CREBZF: variants seen among roughly 807,000 people sequenced by gnomAD.
CREBZF encodes CREB/ATF bZIP transcription factor.
In CREBZF, 8 loss-of-function variants were observed where a neutral mutation model predicts 21.1. The observed-to-expected ratio is 0.38, with a 90% CI of 0.22 to 0.68. The LOEUF (loss-of-function observed/expected upper bound fraction) is 0.68. Ranked by LOEUF, CREBZF falls within the 30% of genes least tolerant of loss-of-function variation. The probability of loss-of-function intolerance (pLI) is 0.51; values close to 1 mark genes in which losing one functional copy is unlikely to be tolerated. For missense variants in CREBZF, 518 were observed against 484.3 expected, an observed-to-expected ratio of 1.07 and a Z score of -0.65; for synonymous variants, 270 against 223.3, an observed-to-expected ratio of 1.21 and a Z score of -1.86.
chr11:85,678,567 TAACA>T (rs748116574), intron 1 of CREBZF, among the ~76,000 whole-genome samples: 1 of 152,226 alleles, frequency 6.6e-6, no homozygotes, highest in Non-Finnish European at 1.5e-5. Flanking sequence ...ATATTACAAC[TAACA>T]AACTAACGAA....
upstream of CREBZF, among the ~76,000 whole-genome samples, chr11:85,665,913 A>C (rs2082854506): frequency 6.6e-6 from 1 of 152,214 alleles, no homozygotes; most frequent in Admixed American, 6.5e-5. Flanking sequence ...ACGTTGCACA[A>C]AGACCATCAC....
At chr11:85,666,950 C>T (rs2082873750), upstream of CREBZF, among the ~76,000 whole-genome samples, 2 of 152,226 alleles carry the variant, frequency 1.3e-5, no homozygotes, top group South Asian at 4.1e-4. Context: ...TCTGGCCTCC[C>T]TTGAGTACAG....
rs2082826782 is a variant in CREBZF, at chr11:85,664,960, A to G, written c.-85T>C. ...AAGGATCCCAGGCCCCAGGGCGGGT[A>G]GCCCCCGGCACTGGCCGAAACGAAA... On this transcript the variant is annotated 5_prime_UTR_variant, in exon 1 of 1. Coordinates refer to ENST00000527447, the MANE Select transcript of CREBZF (RefSeq NM_001039618.4). This position sits in a 1 kb window ranked among gnomAD's most constrained non-coding sequence, Gnocchi z 5.5. The G allele has an allele frequency of 9.8e-7, 1 of 1,024,992 alleles. No homozygotes were observed. The highest frequency in any genetic ancestry group is 1.3e-6 in the Non-Finnish European group (1 of 757,022). 63.5% of individuals were successfully genotyped at this position (1,024,992 alleles called of 1,614,324 possible). A position where few individuals can be genotyped will look rare whatever the true frequency, so the allele number is the denominator to read the frequency against.
chr11:85,675,341 G>A (rs2082935583), intron 1 of CREBZF, among the ~76,000 whole-genome samples: 1 of 152,134 alleles, frequency 6.6e-6, no homozygotes, highest in Non-Finnish European at 1.5e-5. Context: ...ACACTTAGAG[G>A]CCATTGTAGG....
chr11:85,681,985 G>T (rs1351391169), intron 1 of CREBZF, among the ~76,000 whole-genome samples: 1 of 152,140 alleles, frequency 6.6e-6, no homozygotes, highest in Non-Finnish European at 1.5e-5. Context: ...AGAAAGCACG[G>T]GTTTTAGAGC....
chr11:85,668,499 AT>A (rs2082887331), upstream of CREBZF, among the ~76,000 whole-genome samples: 1 of 152,100 alleles, frequency 6.6e-6, no homozygotes, highest in African/African-American at 2.4e-5. Flanking sequence ...TTATTTATCA[AT>A]TTTTAATAAT....
Position 85,682,498 on chromosome 11 carries a change from A to C in CREBZF, n.147+219T>G, listed in dbSNP as rs565307045. On this transcript the variant is annotated intron_variant and non_coding_transcript_variant, in intron 1 of 3. Coordinates refer to the CREBZF transcript ENST00000531515. Reference sequence around the variant, plus strand: ...CGGCAAATAAGGATCAAACGTACACAAACTCCTCAGCACAGCTTGGAACAG... The same window carrying C: ...CGGCAAATAAGGATCAAACGTACACCAACTCCTCAGCACAGCTTGGAACAG... Among the ~76,000 whole-genome samples the C allele has an allele frequency of 2.4e-3, 369 of 152,240 alleles. 1 individual carries two copies. Among genetic ancestry groups the C allele is most frequent in the Non-Finnish European group, 3.7e-3 (254 of 68,022 alleles).
In CREBZF at chr11:85,664,334, C is replaced by A. The variant is rs778359841; in HGVS notation, c.542G>T (p.Ser181Ile). 4 of 1,612,548 alleles carry A rather than the reference C, an allele frequency of 2.5e-6. No individual in the cohort carries two copies. Among genetic ancestry groups the A allele is most frequent in the Middle Eastern group, 1.6e-4 (1 of 6,062 alleles). Residue 181 changes from serine to isoleucine, a missense_variant, in exon 1 of 1, where the codon AGC becomes ATC. Ser to Ile is a moderately radical substitution (Grantham distance 142, BLOSUM62 -2). This residue lies in a region of CREBZF where 396 missense variants were observed against 324.4 expected (regional missense o/e 1.22). Transcript: ENST00000527447. This position sits in a 1 kb window ranked among gnomAD's most constrained non-coding sequence, Gnocchi z 5.5. ...GGACTTTCTCCGCCTCTTTTCGGCGCTGCCACTGTCACTGCTGCTGCTGCA... is the reference window on the plus strand; with the variant it reads ...GGACTTTCTCCGCCTCTTTTCGGCGATGCCACTGTCACTGCTGCTGCTGCA... Reference protein sequence around the residue: ...GGCSSSSDSGSAEKRRRKSPG... With the variant: ...GGCSSSSDSGIAEKRRRKSPG...
chr11:85,673,146 T>C (rs966871298), intron 1 of CREBZF, among the ~76,000 whole-genome samples: 3 of 152,332 alleles, frequency 2.0e-5, no homozygotes, highest in Admixed American at 6.5e-5. Context: ...GGGATTGGAA[T>C]AGATGAATCC....
At chr11:85,665,816 A>G (rs1280108911), upstream of CREBZF, among the ~76,000 whole-genome samples, 1 of 152,198 alleles carries the variant, frequency 6.6e-6, no homozygotes, top group Non-Finnish European at 1.5e-5. Context: ...CAAACAAACA[A>G]AAACTCTGAC....
At chr11:85,672,884 T>C (rs768521726) in intron 1 of CREBZF, among the ~76,000 whole-genome samples, 3 of 152,180 alleles carry the variant, frequency 2.0e-5, no homozygotes, top group Non-Finnish European at 2.9e-5. Flanking sequence ...TTAGAGAGCC[T>C]ATCTTAAGGG....
chr11:85,664,823 G>T lies in CREBZF; in HGVS notation c.53C>A (p.Thr18Asn). 3 of 1,545,202 alleles carry T rather than the reference G, an allele frequency of 1.9e-6. No homozygotes were observed. Among genetic ancestry groups the T allele is most frequent in the Middle Eastern group, 4.7e-4 (2 of 4,214 alleles). ...LLAASGSNSP[T>N]RSESPEPAAT... Reference sequence around the variant, plus strand: ...AGCCGGCTCCGGGCTCTCACTGCGGGTTGGGGAGTTGCTGCCCGAGGCTGC... The same window carrying T: ...AGCCGGCTCCGGGCTCTCACTGCGGTTTGGGGAGTTGCTGCCCGAGGCTGC... The change falls in exon 1 of 1, where the codon ACC becomes AAC. Residue 18 changes from threonine to asparagine, a missense_variant. This residue lies in a region of CREBZF where 396 missense variants were observed against 324.4 expected (regional missense o/e 1.22). Transcript: ENST00000527447. The surrounding 1 kb of genome is among the most constrained non-coding windows in gnomAD (Gnocchi z 5.5).
intron 1 of CREBZF, among the ~76,000 whole-genome samples, chr11:85,678,267 A>G (rs1236278428): frequency 1.3e-5 from 2 of 152,156 alleles, no homozygotes; most frequent in Admixed American, 1.3e-4. Flanking sequence ...TTTAGTGGAA[A>G]ACAGTTTTGG....
At chr11:85,676,503 G>A (rs2082943530) in intron 1 of CREBZF, among the ~76,000 whole-genome samples, 1 of 152,116 alleles carries the variant, frequency 6.6e-6, no homozygotes, top group Non-Finnish European at 1.5e-5. Context: ...CCATCGTCCA[G>A]ATTTAACATT....
Position 85,664,513 on chromosome 11 carries a change from G to T in CREBZF, c.363C>A (p.Asp121Glu). 6.2e-7 allele frequency: 1 copy of T among 1,613,728 alleles called. No homozygotes were observed. The highest frequency in any genetic ancestry group is 8.5e-7 in the Non-Finnish European group (1 of 1,179,950). ...LDPRQPDWHL[D>E]PGLSSPGPLS... ...GAGGCCCCGGCGAGCTAAGCCCGGG[G>T]TCCAGGTGCCAGTCCGGTTGCCTGG... The change falls in exon 1 of 1, where the codon GAC becomes GAA. Residue 121 changes from aspartate (D) to glutamate (E), a missense_variant. Physicochemically the swap from Asp to Glu is conservative, Grantham distance 45. Coordinates refer to ENST00000527447, the MANE Select transcript of CREBZF (RefSeq NM_001039618.4). The surrounding 1 kb of genome is among the most constrained non-coding windows in gnomAD (Gnocchi z 5.5).
rs960736225 is a variant in CREBZF at position 85,662,116 on chromosome 11, C to T, written c.*1695G>A. Reference sequence around the variant, plus strand: ...GCTACTACCCATTCATGCTCAAGTGCAGTAGTAGATGATTTTACAAAATAT... The same window carrying T: ...GCTACTACCCATTCATGCTCAAGTGTAGTAGTAGATGATTTTACAAAATAT... On this transcript the variant is annotated 3_prime_UTR_variant, in exon 1 of 1. Coordinates refer to ENST00000527447, the MANE Select transcript of CREBZF (RefSeq NM_001039618.4). The T allele has an allele frequency of 1.3e-5, 5 of 374,694 alleles. No homozygotes were observed. The highest frequency in any genetic ancestry group is 1.0e-4 in the African/African-American group (5 of 48,736). 23.2% of individuals were successfully genotyped at this position (374,694 alleles called of 1,614,324 possible). A position where few individuals can be genotyped will look rare whatever the true frequency, so the allele number is the denominator to read the frequency against.
rs890941325 is a variant in CREBZF at position 85,664,173 on chromosome 11, G to T, written c.703C>A (p.Arg235=). Residue 235 remains arginine (R), a synonymous_variant, in exon 1 of 1, where the codon CGA becomes AGA. Coordinates refer to ENST00000527447, the MANE Select transcript of CREBZF (RefSeq NM_001039618.4). The surrounding 1 kb of genome is among the most constrained non-coding windows in gnomAD (Gnocchi z 5.5). Reference sequence around the variant, plus strand: ...TTCTCGGCTGCCAGACCCCGGACTCGACTCTCCAGCCCCATCACGTACTCC... The same window carrying T: ...TTCTCGGCTGCCAGACCCCGGACTCTACTCTCCAGCCCCATCACGTACTCC... ...KKEYVMGLES[R]VRGLAAENQE... 1 of 1,613,390 alleles carries T rather than the reference G, an allele frequency of 6.2e-7. No homozygotes were observed. Among genetic ancestry groups the T allele is most frequent in the African/African-American group, 1.3e-5 (1 of 75,010 alleles).
upstream of CREBZF, among the ~76,000 whole-genome samples, chr11:85,665,458 CT>C (rs11342231): frequency 0.4 from 59,067 of 149,250 alleles, 12,439 homozygotes; most frequent in African/African-American, 0.5. Flanking sequence ...AAAATAAGGA[CT>C]TTTTTTTCAT....
upstream of CREBZF, among the ~76,000 whole-genome samples, chr11:85,668,234 T>G (rs1461708231): frequency 6.6e-6 from 1 of 152,210 alleles, no homozygotes; most frequent in Non-Finnish European, 1.5e-5. Context: ...TATTTATTTC[T>G]CCACATAACT....
Sources: allele counts gnomAD v4.1 joint callset (sites outside exome capture counted in the v4.1 genomes callset), GRCh38; gene constraint gnomAD v4.1.1; regional missense constraint gnomAD v4.1.1; non-coding constraint Gnocchi (gnomAD v3.1); transcripts MANE v1.5; gene names NCBI Gene and HGNC (gene_info 2026-07-23, HGNC 2026-07-21).